Variants in DMRT1 observed in about 807,000 individuals in gnomAD.
DMRT1 encodes the protein doublesex- and mab-3-related transcription factor 1.
A neutral mutation model predicts 32.3 loss-of-function variants in DMRT1; 7 were observed. That is an observed-to-expected ratio of 0.22 (90% CI 0.12 to 0.41). DMRT1 has a LOEUF of 0.41. Ranked by LOEUF, DMRT1 falls within the 10% of genes least tolerant of loss-of-function variation. The pLI, the probability that DMRT1 is intolerant of heterozygous loss-of-function variation, is 1.00. For missense variants in DMRT1, 625 were observed against 500.5 expected (o/e 1.25, Z -2.37); for synonymous variants, 278 against 206.1 (o/e 1.35, Z -2.99).
chr9:842,230 G>GTTTTTTTTTTTTTTTTTTTT lies in DMRT1; in HGVS notation c.354+42_354+61dup, dbSNP rs780064237. 1.5e-5 allele frequency: 19 copies of GTTTTTTTTTTTTTTTTTTTT among 1,267,142 alleles called. 1 individual carries two copies. In the African/African-American group the frequency reaches 3.6e-4, roughly 24 times the overall value. The allele number at this position is 1,267,142 out of a possible 1,614,324, so 78.5% of individuals were successfully genotyped here. ...GTGCGGGAGCCCGGGTTCAGCCTTA[G>GTTTTTTTTTTTTTTTTTTTT]TTTTTTTTTTTTTTTTTTTTTTTAG... is the stretch of plus-strand genomic sequence containing the variant. On this transcript the variant is annotated intron_variant, in intron 1 of 4. Coordinates refer to ENST00000382276, the MANE Select transcript of DMRT1 (RefSeq NM_021951.3).
intron 2 of DMRT1, among the ~76,000 whole-genome samples, chr9:879,812 A>G (rs1455100085): frequency 1.3e-5 from 2 of 152,202 alleles, no homozygotes; most frequent in Non-Finnish European, 1.5e-5. Flanking sequence ...TCATCCGTGT[A>G]TGACTTTATA....
Position 894,078 on chromosome 9 carries a change from G to C in DMRT1, c.705G>C (p.Leu235Phe). The change falls in exon 3 of 5, where the codon TTG becomes TTC. Residue 235 changes from leucine (L) to phenylalanine (F), a missense_variant. Coordinates refer to ENST00000382276, the MANE Select transcript of DMRT1 (RefSeq NM_021951.3). ...LYNCPQYSMA[L>F]AADSASGEVG... ...ACTGCCCGCAGTACTCCATGGCCTT[G>C]GCTGCTGATTCTGCTTCTGGGGAGG... The C allele has an allele frequency of 5.0e-6, 8 of 1,614,242 alleles. No homozygotes were observed. The highest frequency in any genetic ancestry group is 5.9e-6 in the Non-Finnish European group (7 of 1,180,056).
chr9:878,822 A>G (rs984238572), intron 2 of DMRT1, among the ~76,000 whole-genome samples: 5 of 152,176 alleles, frequency 3.3e-5, no homozygotes, highest in Non-Finnish European at 7.3e-5. Flanking sequence ...CTCTCATATA[A>G]TTCTCAAGTA....
At position 893,903 on chromosome 9, in the gene DMRT1, C is replaced by G; in HGVS notation, c.539-9C>G. The G allele has an allele frequency of 1.1e-5, 18 of 1,613,052 alleles. No homozygotes were observed. Among genetic ancestry groups the G allele is most frequent in the Non-Finnish European group, 1.5e-5 (18 of 1,179,616 alleles). On this transcript the variant is annotated splice_polypyrimidine_tract_variant and intron_variant, in intron 2 of 4. Coordinates refer to ENST00000382276, the MANE Select transcript of DMRT1 (RefSeq NM_021951.3). Reference sequence around the variant, plus strand: ...CCATGTTGTATTTTTCTTTTTTCTTCCAATTTAGAGGGACGTATGGTCATC... The same window carrying G: ...CCATGTTGTATTTTTCTTTTTTCTTGCAATTTAGAGGGACGTATGGTCATC...
chr9:913,574 T>C (rs1818064047), intron 3 of DMRT1, among the ~76,000 whole-genome samples: 2 of 151,430 alleles, frequency 1.3e-5, no homozygotes, highest in Non-Finnish European at 2.9e-5. Context: ...AGCTGGAAAC[T>C]GGATGGTTGT....
chr9:939,865 G>T (rs2129903142), intron 4 of DMRT1, among the ~76,000 whole-genome samples: 1 of 152,182 alleles, frequency 6.6e-6, no homozygotes. Context: ...CATTATACTG[G>T]CAGAAAGATT....
intron 4 of DMRT1, among the ~76,000 whole-genome samples, chr9:938,910 G>C (rs79277509): frequency 0.012 from 1,813 of 152,270 alleles, 42 homozygotes; most frequent in African/African-American, 0.041. Flanking sequence ...AACACTAATA[G>C]CCTGATTTGC....
chr9:847,272 C>T, intron 2 of DMRT1, 129 bp downstream of exon 2: 3 of 1,002,366 alleles, frequency 3.0e-6, no homozygotes, highest in Admixed American at 2.7e-5. Context: ...GTAGAGGATT[C>T]TCCCTGTGAA....
intron 3 of DMRT1, among the ~76,000 whole-genome samples, chr9:902,763 A>G (rs1057359563): frequency 3.3e-5 from 5 of 152,090 alleles, no homozygotes; most frequent in African/African-American, 4.8e-5. Flanking sequence ...TGCTGGGATT[A>G]CAGGTGTGAG....
At chr9:849,966 A>G (rs2002759) in intron 2 of DMRT1, among the ~76,000 whole-genome samples, 104,448 of 151,736 alleles carry the variant, frequency 0.69, 36,711 homozygotes, top group Middle Eastern at 0.78. Context: ...TGGGATTACA[A>G]GCATGCGCTA....
intron 3 of DMRT1, among the ~76,000 whole-genome samples, chr9:898,703 A>G (rs1228938613): frequency 1.3e-5 from 2 of 152,206 alleles, no homozygotes; most frequent in Non-Finnish European, 2.9e-5. Context: ...CTCAACCTTG[A>G]GGCCAGAATG....
In DMRT1 at chr9:894,281, A is replaced by G. The variant is rs1033064129; in HGVS notation, c.822+86A>G. 2.8e-6 allele frequency: 4 copies of G among 1,451,270 alleles called. No individual in the cohort carries two copies. The African/African-American group carries it at 4.2e-5, about 15-fold the overall frequency. The allele number at this position is 1,451,270 out of a possible 1,614,324, so 89.9% of individuals were successfully genotyped here. A position where few individuals can be genotyped will look rare whatever the true frequency, so the allele number is the denominator to read the frequency against. On this transcript the variant is annotated intron_variant, in intron 3 of 4. Transcript: ENST00000382276. ...CACATGCACATACACACAGAGGCAC[A>G]CACGCACTTGTGCGCCCAGAGGCAC...
intron 3 of DMRT1, among the ~76,000 whole-genome samples, chr9:916,023 G>T (rs1818168340): frequency 6.6e-6 from 1 of 152,182 alleles, no homozygotes; most frequent in African/African-American, 2.4e-5. Context: ...GTGAGCCACT[G>T]CGTCCAGCCT....
intron 4 of DMRT1, among the ~76,000 whole-genome samples, chr9:947,951 G>T (rs911193746): frequency 5.3e-5 from 8 of 152,212 alleles, no homozygotes; most frequent in Admixed American, 5.2e-4. Context: ...CTGTGTTTCT[G>T]TTAGATGTTC....
chr9:898,282 G>C (rs920355879), intron 3 of DMRT1, among the ~76,000 whole-genome samples: 3 of 152,248 alleles, frequency 2.0e-5, no homozygotes, highest in Non-Finnish European at 4.4e-5. Flanking sequence ...ACCACGCCCG[G>C]CTAATTTTTG....
At chr9:874,409 G>A (rs536053416) in intron 2 of DMRT1, among the ~76,000 whole-genome samples, 4 of 152,000 alleles carry the variant, frequency 2.6e-5, no homozygotes, top group African/African-American at 9.7e-5. Context: ...CCCCTTCATT[G>A]TCATTTTCAG....
chr9:844,132 T>A (rs959327016), intron 1 of DMRT1, among the ~76,000 whole-genome samples: 6 of 152,184 alleles, frequency 3.9e-5, no homozygotes, highest in African/African-American at 1.4e-4. Flanking sequence ...TAATTTTGAA[T>A]AACCTTTATT....
In DMRT1 at chr9:894,129, T is replaced by A. The variant is rs750520542; in HGVS notation, c.756T>A (p.Pro252=). Residue 252 remains proline (P), a synonymous_variant, in exon 3 of 5, where the codon CCT becomes CCA. Coordinates refer to ENST00000382276, the MANE Select transcript of DMRT1 (RefSeq NM_021951.3). ...GEVGNPLGGS[P]VKNSLRGLPG... ...TGGGAAATCCCCTCGGGGGATCCCCTGTGAAGAACAGCCTTCGGGGCCTCC... is the reference window on the plus strand; with the variant it reads ...TGGGAAATCCCCTCGGGGGATCCCCAGTGAAGAACAGCCTTCGGGGCCTCC... 1 of 1,614,276 alleles carries A rather than the reference T, an allele frequency of 6.2e-7. No homozygotes were observed. The highest frequency in any genetic ancestry group is 1.1e-5 in the South Asian group (1 of 91,092).
chr9:928,184 T>G (rs755338457), intron 4 of DMRT1, among the ~76,000 whole-genome samples: 3 of 152,198 alleles, frequency 2.0e-5, no homozygotes, highest in Non-Finnish European at 4.4e-5. Flanking sequence ...TTTATTTACA[T>G]TCACGCTAAA....
Sources: gnomAD v4.1 joint callset for allele counts (sites outside exome capture counted in the v4.1 genomes callset) on GRCh38, gnomAD v4.1.1 for gene constraint, MANE v1.5 for transcripts, NCBI Gene and HGNC (gene_info 2026-07-23, HGNC 2026-07-21) for gene names.